TMC5: variants seen among roughly 807,000 people sequenced by gnomAD.
TMC5 encodes the protein transmembrane channel like 5, also known as transmembrane channel-like protein 5.
Under a neutral mutation model 110.5 loss-of-function variants are expected in TMC5, and 86 were observed. The ratio of observed to expected loss-of-function variants is 0.78; its 90% CI spans 0.65 to 0.93. The LOEUF (loss-of-function observed/expected upper bound fraction) is 0.93, where lower values mean the gene tolerates loss of function less well. TMC5 is among the 40% of genes least tolerant of loss of function. The pLI is 0.00. For missense variants in TMC5, 1,144 were observed against 1,222.8 expected (o/e 0.94, Z 0.96); for synonymous variants, 455 against 439.5 (o/e 1.04, Z -0.44).
rs538099382 is a variant in TMC5, at chr16:19,498,149, T to C, written c.*183T>C. ...ATTGGGCATTCCATGCTATTTTTAA[T>C]ACCTGGATTGCTGATTTTTCAAGAC... On this transcript the variant is annotated 3_prime_UTR_variant, in exon 22 of 22. Transcript: ENST00000542583. 9 of 601,362 alleles carry C rather than the reference T, an allele frequency of 1.5e-5. No homozygotes were observed. The African/African-American group carries it at 1.5e-4, about 10-fold the overall frequency. The allele number at this position is 601,362 out of a possible 1,614,324, so 37.3% of individuals were successfully genotyped here.
At chr16:19,414,277 C>T (rs1369448867), upstream of TMC5, among the ~76,000 whole-genome samples, 7 of 152,116 alleles carry the variant, frequency 4.6e-5, no homozygotes, top group Admixed American at 4.6e-4. Context: ...TGAGGAGCTC[C>T]CAGTGACCTT....
chr16:19,434,080 A>AAT (rs72054592), intron 2 of TMC5, among the ~76,000 whole-genome samples: 4 of 110,612 alleles, frequency 3.6e-5, no homozygotes, highest in Non-Finnish European at 6.9e-5. Context: ...TATTATATAT[A>AAT]ATATATATAT....
At chr16:19,437,154 G>A (rs1967367210) in intron 2 of TMC5, among the ~76,000 whole-genome samples, 3 of 152,140 alleles carry the variant, frequency 2.0e-5, no homozygotes, top group African/African-American at 2.4e-5. Flanking sequence ...TAGCCTGGAC[G>A]GCAGAGTGAG....
chr16:19,457,709 CTTTTTTTTT>C (rs573979829), intron 5 of TMC5, among the ~76,000 whole-genome samples: 285 of 43,880 alleles, frequency 6.5e-3, no homozygotes, highest in Non-Finnish European at 0.013. Flanking sequence ...AGACTACATT[CTTTTTTTTT>C]TTTTTTTTTT....
rs145703922 is a variant in TMC5 at position 19,446,692 on chromosome 16, C to A, written c.958+2442C>A. ...TCCCGTCTCTCTACCCAAAACCTGA[C>A]CTCTTATTTACCCTGCATTACTGCT... is the stretch of plus-strand genomic sequence containing the variant. On this transcript the variant is annotated intron_variant, in intron 4 of 21. Transcript: ENST00000542583. 4.6e-5 allele frequency among the ~76,000 whole-genome samples: 7 copies of A among 152,328 alleles called. No homozygotes were observed. In the East Asian group the frequency reaches 7.7e-4, roughly 17 times the overall value.
At chr16:19,482,264 G>T (rs557303829) in intron 15 of TMC5, among the ~76,000 whole-genome samples, 7 of 152,184 alleles carry the variant, frequency 4.6e-5, no homozygotes, top group African/African-American at 1.4e-4. Context: ...CATCATGTTG[G>T]CCAGGCTGGT....
intron 20 of TMC5, among the ~76,000 whole-genome samples, chr16:19,496,689 G>A (rs138458042): frequency 4.6e-5 from 7 of 151,656 alleles, no homozygotes; most frequent in South Asian, 2.1e-4. Flanking sequence ...GTTTGAGACC[G>A]GCCTGACCAA....
intron 5 of TMC5, among the ~76,000 whole-genome samples, chr16:19,455,290 A>ATACAAAAAT (rs2143536722): frequency 6.6e-6 from 1 of 151,896 alleles, no homozygotes; most frequent in East Asian, 1.9e-4. Flanking sequence ...TCTACAAAAA[A>ATACAAAAAT]TACAAAAATT....
intron 20 of TMC5, among the ~76,000 whole-genome samples, chr16:19,495,499 A>G (rs1292369879): frequency 6.6e-6 from 1 of 152,164 alleles, no homozygotes; most frequent in Non-Finnish European, 1.5e-5. Flanking sequence ...AATTCTGTAC[A>G]TATTTGGATA....
At chr16:19,429,938 C>T (rs1967162568) in intron 1 of TMC5, among the ~76,000 whole-genome samples, 1 of 151,520 alleles carries the variant, frequency 6.6e-6, no homozygotes, top group South Asian at 2.1e-4. Context: ...ACTTGATTAC[C>T]TCCACCGAGA....
At chr16:19,447,308 G>A (rs796623848) in intron 4 of TMC5, among the ~76,000 whole-genome samples, 43 of 152,104 alleles carry the variant, frequency 2.8e-4, no homozygotes, top group African/African-American at 1.0e-3. Flanking sequence ...ATGGCAAGCA[G>A]AAACACACGG....
intron 5 of TMC5, among the ~76,000 whole-genome samples, chr16:19,454,798 G>A (rs189394272): frequency 2.1e-3 from 326 of 152,292 alleles, no homozygotes; most frequent in Non-Finnish European, 4.1e-3. Context: ...CCTGGCACTG[G>A]AACAGAAATG....
At chr16:19,479,292 C>T in intron 13 of TMC5, 139 bp from the exon 14 acceptor site, 1 of 730,304 alleles carries the variant, frequency 1.4e-6, no homozygotes, top group Admixed American at 2.1e-5. Context: ...CAGAGTGGGT[C>T]TACTTTTTTG....
chr16:19,488,489 C>G (rs1260286417), intron 17 of TMC5, among the ~76,000 whole-genome samples: 1 of 152,074 alleles, frequency 6.6e-6, no homozygotes, highest in African/African-American at 2.4e-5. Context: ...TCCCACCTCT[C>G]CAACCCCACT....
rs1298269934 is a variant in TMC5, at chr16:19,476,286, GCAGTGAGCCATGAC to G, written c.2091-1151_2091-1138del. 3.3e-5 allele frequency among the ~76,000 whole-genome samples: 5 copies of G among 152,240 alleles called. No individual in the cohort carries two copies. In the East Asian group the frequency reaches 9.6e-4, roughly 29 times the overall value. Reference sequence around the variant, plus strand: ...TGCTTGAGCCCGGGAGGTCAAGGCTGCAGTGAGCCATGACCACACCACTGCACTCCAGTTTGGGT... The same window carrying G: ...TGCTTGAGCCCGGGAGGTCAAGGCTGCACACCACTGCACTCCAGTTTGGGT... On this transcript the variant is annotated intron_variant, in intron 12 of 21. Coordinates refer to ENST00000542583, the MANE Select transcript of TMC5 (RefSeq NM_001261841.2).
intron 1 of TMC5, among the ~76,000 whole-genome samples, chr16:19,412,538 T>G (rs1056925509): frequency 6.6e-6 from 1 of 152,064 alleles, no homozygotes; most frequent in Non-Finnish European, 1.5e-5. Flanking sequence ...GCTAATTTTT[T>G]TGTATTTTTA....
upstream of TMC5, among the ~76,000 whole-genome samples, chr16:19,413,911 C>G (rs1359569718): frequency 6.6e-6 from 1 of 152,198 alleles, no homozygotes; most frequent in Non-Finnish European, 1.5e-5. Flanking sequence ...TGGGATGATT[C>G]TAGTAGTACC....
chr16:19,434,109 A>C lies in TMC5; in HGVS notation c.-80+3469A>C, dbSNP rs1420989666. The stretch of plus-strand genomic sequence containing the variant: ...TATATATATCTATAATATATATATT[A>C]TATATATATCTATATATCTAAAATA... On this transcript the variant is annotated intron_variant, in intron 2 of 21. Coordinates refer to ENST00000542583, the MANE Select transcript of TMC5 (RefSeq NM_001261841.2). 1.7e-3 allele frequency among the ~76,000 whole-genome samples: 191 copies of C among 114,188 alleles called. 2 individuals carry two copies. Among genetic ancestry groups the C allele is most frequent in the African/African-American group, 5.0e-3 (146 of 29,338 alleles). 74.9% of individuals were successfully genotyped at this position (114,188 alleles called of 152,430 possible).
At chr16:19,478,404 T>A (rs191495953) in intron 13 of TMC5, among the ~76,000 whole-genome samples, 1 of 152,322 alleles carries the variant, frequency 6.6e-6, no homozygotes, top group East Asian at 1.9e-4. Flanking sequence ...AGATTCAAAA[T>A]CAGCCCTCCA....
Sources: allele counts gnomAD v4.1 joint callset (sites outside exome capture counted in the v4.1 genomes callset), GRCh38; gene constraint gnomAD v4.1.1; transcripts MANE v1.5; gene names NCBI Gene and HGNC (gene_info 2026-07-23, HGNC 2026-07-21).